TMEM79: variants seen among roughly 807,000 people sequenced by gnomAD.
The protein encoded by TMEM79 is transmembrane protein 79, also known as mattrin.
TMEM79 carries 30 observed loss-of-function variants against 31.2 expected under a neutral mutation model. The observed-to-expected ratio is 0.96, with a 90% CI of 0.72 to 1.30. TMEM79 has a LOEUF of 1.30. Ranked by LOEUF, TMEM79 falls within the 50% of genes most tolerant of loss-of-function variation. The pLI, the probability that TMEM79 is intolerant of heterozygous loss-of-function variation, is 0.00. For missense variants in TMEM79, 509 were observed against 528.2 expected (o/e 0.96, Z 0.36); for synonymous variants, 213 against 229.5 (o/e 0.93, Z 0.65).
intron 1 of TMEM79, 22 bp from the exon 2 acceptor site, chr1:156,285,162 A>G: frequency 1.3e-6 from 2 of 1,497,944 alleles, no homozygotes; most frequent in East Asian, 2.3e-5. Flanking sequence ...TTTCTGACAG[A>G]GCTTTCCTCT....
At chr1:156,287,852 A>C (rs1663212159) in intron 3 of TMEM79, among the ~76,000 whole-genome samples, 1 of 151,868 alleles carries the variant, frequency 6.6e-6, no homozygotes, top group Non-Finnish European at 1.5e-5. Flanking sequence ...CCCTAACCTC[A>C]GGTGATCTGC....
chr1:156,288,824 C>T (rs1663239717), intron 3 of TMEM79, among the ~76,000 whole-genome samples: 1 of 152,152 alleles, frequency 6.6e-6, no homozygotes, highest in African/African-American at 2.4e-5. Context: ...TAAATATGTT[C>T]CTGCTCATGT....
At chr1:156,282,945 CT>C, upstream of TMEM79, 2 of 541,222 alleles carry the variant, frequency 3.7e-6, no homozygotes, top group East Asian at 6.3e-5. Context: ...AGAACTAACT[CT>C]GGGCAGCATG....
intron 3 of TMEM79, among the ~76,000 whole-genome samples, chr1:156,289,526 G>T (rs1663255262): frequency 6.6e-6 from 1 of 152,140 alleles, no homozygotes; most frequent in Admixed American, 6.5e-5. Flanking sequence ...GCAGGAGAAT[G>T]GCGTGAACCT....
Position 156,291,702 on chromosome 1 carries a change from G to T in TMEM79, c.*104G>T. ...ACTTCGCCCCCAGGCCTAGGACCGC[G>T]GTGGGTGGAACCCTGCTACTGCCCC... On this transcript the variant is annotated 3_prime_UTR_variant, in exon 4 of 4. Coordinates refer to ENST00000405535, the MANE Select transcript of TMEM79 (RefSeq NM_032323.3). 2.0e-6 allele frequency: 2 copies of T among 1,008,076 alleles called. No individual in the cohort carries two copies. The highest frequency in any genetic ancestry group is 3.0e-6 in the Non-Finnish European group (2 of 658,702). 62.4% of individuals were successfully genotyped at this position (1,008,076 alleles called of 1,614,324 possible).
At position 156,285,218 on chromosome 1, in the gene TMEM79, G is replaced by A. The variant is rs756653168; in HGVS notation, c.-9G>A. The stretch of plus-strand genomic sequence containing the variant: ...ACCTTGTGGTAGATCCCAGAACTGA[G>A]GCCCCAGGATGACAGAACAGGAGAC... On this transcript the variant is annotated 5_prime_UTR_variant, in exon 2 of 4. Coordinates refer to ENST00000405535, the MANE Select transcript of TMEM79 (RefSeq NM_032323.3). The A allele has an allele frequency of 1.6e-5, 25 of 1,524,244 alleles. No homozygotes were observed. Among genetic ancestry groups the A allele is most frequent in the Non-Finnish European group, 2.1e-5 (24 of 1,139,462 alleles). 94.4% of individuals were successfully genotyped at this position (1,524,244 alleles called of 1,614,324 possible).
upstream of TMEM79, chr1:156,283,214 T>G (rs1663049490): frequency 1.6e-5 from 3 of 190,576 alleles, no homozygotes; most frequent in South Asian, 5.6e-4. Flanking sequence ...CCCCATAATT[T>G]AAACAAACAA....
At chr1:156,288,348 T>G (rs923131565) in intron 3 of TMEM79, among the ~76,000 whole-genome samples, 1 of 151,632 alleles carries the variant, frequency 6.6e-6, no homozygotes, top group African/African-American at 2.4e-5. Context: ...TTCTTTTTTT[T>G]TTTTTGAGAT....
chr1:156,286,445 C>T lies in TMEM79; in HGVS notation c.943C>T (p.Leu315=), dbSNP rs1663166293. 1 of 1,614,122 alleles carries T rather than the reference C, an allele frequency of 6.2e-7. No individual in the cohort carries two copies. The highest frequency in any genetic ancestry group is 1.7e-5 in the Admixed American group (1 of 60,006). ...LPQDTLKLLP[L]LTGLFAVSRL... is the part of the protein sequence containing the mutation. Reference sequence around the variant, plus strand: ...CCAGGATACCCTCAAACTGCTCCCTCTGCTCACTGGTCTCTTTGCCGTCTC... The same window carrying T: ...CCAGGATACCCTCAAACTGCTCCCTTTGCTCACTGGTCTCTTTGCCGTCTC... Residue 315 remains leucine, a synonymous_variant, in exon 3 of 4, where the codon CTG becomes TTG. Coordinates refer to ENST00000405535, the MANE Select transcript of TMEM79 (RefSeq NM_032323.3).
At position 156,286,258 on chromosome 1, in the gene TMEM79, A is replaced by G; in HGVS notation, c.758-2A>G. On this transcript the variant is annotated splice_acceptor_variant, in intron 2 of 3. Coordinates refer to ENST00000405535, the MANE Select transcript of TMEM79 (RefSeq NM_032323.3). LOFTEE classifies it high-confidence loss of function. ...CCTACCCTGTTTCCCAACTCCACCC[A>G]GGGATCCTGGTGTACGGGCTGAGCC... 3 of 1,613,754 alleles carry G rather than the reference A, an allele frequency of 1.9e-6. No homozygotes were observed. The highest frequency in any genetic ancestry group is 2.5e-6 in the Non-Finnish European group (3 of 1,179,770).
At position 156,291,773 on chromosome 1, in the gene TMEM79, C is replaced by T. The variant is rs1663347306; in HGVS notation, c.*175C>T. The T allele has an allele frequency of 1.6e-6, 1 of 630,210 alleles. No homozygotes were observed. Among genetic ancestry groups the T allele is most frequent in the African/African-American group, 1.8e-5 (1 of 54,638 alleles). 39.0% of individuals were successfully genotyped at this position (630,210 alleles called of 1,614,324 possible). On this transcript the variant is annotated 3_prime_UTR_variant, in exon 4 of 4. Transcript: ENST00000405535. The stretch of plus-strand genomic sequence containing the variant: ...GGAGTTCTCCCCTTGCCGGAGCTGC[C>T]CTTCACCTTTGGGGCCCGAGACAGT...
rs781368177 is a variant in TMEM79, at chr1:156,286,482, G to A, written c.971+9G>A. 1 of 1,613,844 alleles carries A rather than the reference G, an allele frequency of 6.2e-7. No homozygotes were observed. The highest frequency in any genetic ancestry group is 1.1e-5 in the South Asian group (1 of 91,070). On this transcript the variant is annotated intron_variant, in intron 3 of 3. Transcript: ENST00000405535. Reference sequence around the variant, plus strand: ...CTCTTTGCCGTCTCCCGGTAAGTTGGGGCAGAGGGTGGGGCATGGGAGAGG... The same window carrying A: ...CTCTTTGCCGTCTCCCGGTAAGTTGAGGCAGAGGGTGGGGCATGGGAGAGG...
In TMEM79 at chr1:156,285,741, G is replaced by T. The variant is rs746318820; in HGVS notation, c.515G>T (p.Arg172Leu). 6.2e-7 allele frequency: 1 copy of T among 1,613,178 alleles called. No individual in the cohort carries two copies. The highest frequency in any genetic ancestry group is 2.2e-5 in the East Asian group (1 of 44,888). The change falls in exon 2 of 4, where the codon CGC (arginine) becomes CTC (leucine). Residue 172 changes from arginine (R) to leucine (L), a missense_variant. Coordinates refer to ENST00000405535, the MANE Select transcript of TMEM79 (RefSeq NM_032323.3). ...GTCACCCACCCCGACCCCACTGAGC[G>T]CAAGTGGGCTGAGGCAGTGGTGAGG... ...PRVTHPDPTERKWAEAVVRPP... is the reference protein window; with the variant it reads ...PRVTHPDPTELKWAEAVVRPP...
Position 156,285,549 on chromosome 1 carries a change from C to T in TMEM79, c.323C>T (p.Thr108Ile), listed in dbSNP as rs539556281. The change falls in exon 2 of 4, where the codon ACC (threonine) becomes ATC (isoleucine). Residue 108 changes from threonine (T) to isoleucine (I), a missense_variant. By Grantham distance (89) the Thr-to-Ile change is moderately conservative (BLOSUM62 -1). Coordinates refer to ENST00000405535, the MANE Select transcript of TMEM79 (RefSeq NM_032323.3). ...GAGCCCCCTGAGTCAGAACCACTTA[C>T]CAAGCTAGAGGAGCTGCCCGAAGAC... is the stretch of plus-strand genomic sequence containing the variant. ...EPEPPESEPLTKLEELPEDDA... is the reference protein window; with the variant it reads ...EPEPPESEPLIKLEELPEDDA... The T allele has an allele frequency of 6.2e-7, 1 of 1,614,096 alleles. No individual in the cohort carries two copies. The highest frequency in any genetic ancestry group is 8.5e-7 in the Non-Finnish European group (1 of 1,180,050).
Position 156,286,304 on chromosome 1 carries a change from C to T in TMEM79, c.802C>T (p.Arg268Trp), listed in dbSNP as rs143363559. 41 of 1,614,132 alleles carry T rather than the reference C, an allele frequency of 2.5e-5. No homozygotes were observed. The highest frequency in any genetic ancestry group is 6.7e-5 in the East Asian group (3 of 44,900). ...GLSLLCFSAL[R>W]PFGEPRREVE... Reference sequence around the variant, plus strand: ...GAGCCTGTTATGCTTTTCTGCCCTTCGGCCCTTTGGGGAGCCACGGCGGGA... The same window carrying T: ...GAGCCTGTTATGCTTTTCTGCCCTTTGGCCCTTTGGGGAGCCACGGCGGGA... Residue 268 changes from arginine (R) to tryptophan (W), a missense_variant, in exon 3 of 4, where the codon CGG becomes TGG. By Grantham distance (101) the Arg-to-Trp change is moderately radical. Coordinates refer to ENST00000405535, the MANE Select transcript of TMEM79 (RefSeq NM_032323.3).
At position 156,284,586 on chromosome 1, in the gene TMEM79, C is replaced by T. The variant is rs1241452590; in HGVS notation, c.-44+180C>T. Among the ~76,000 whole-genome samples, 3 of 152,150 alleles carry T rather than the reference C, an allele frequency of 2.0e-5. No individual in the cohort carries two copies. The East Asian group carries it at 5.8e-4, about 29-fold the overall frequency. On this transcript the variant is annotated intron_variant, in intron 1 of 3. Transcript: ENST00000405535. ...AATATCAGAATAGCAGACCCAGGCCCTGCAGAGATGGATGAGGTGGGCTAG... is the reference window on the plus strand; with the variant it reads ...AATATCAGAATAGCAGACCCAGGCCTTGCAGAGATGGATGAGGTGGGCTAG...
intron 1 of TMEM79, among the ~76,000 whole-genome samples, chr1:156,284,897 G>A (rs761361738): frequency 1.2e-4 from 18 of 152,196 alleles, no homozygotes; most frequent in African/African-American, 2.9e-4. Flanking sequence ...CATAGAAGGC[G>A]TGGGTGGAGG....
chr1:156,284,044 A>T (rs1381455103), upstream of TMEM79, among the ~76,000 whole-genome samples: 1 of 152,204 alleles, frequency 6.6e-6, no homozygotes, highest in African/African-American at 2.4e-5. Flanking sequence ...ATTTCTGGGT[A>T]TCCCAGCCTA....
chr1:156,289,344 G>T (rs900633223), intron 3 of TMEM79, among the ~76,000 whole-genome samples: 3 of 150,450 alleles, frequency 2.0e-5, no homozygotes, highest in Non-Finnish European at 4.4e-5. Flanking sequence ...TGTGGTGATG[G>T]GCGCCTGTAA....
Sources: gnomAD v4.1 joint callset for allele counts (sites outside exome capture counted in the v4.1 genomes callset) on GRCh38, gnomAD v4.1.1 for gene constraint, MANE v1.5 for transcripts, NCBI Gene and HGNC (gene_info 2026-07-23, HGNC 2026-07-21) for gene names.